Variants in SNTG1 observed in about 807,000 individuals in gnomAD.
The protein encoded by SNTG1 is syntrophin gamma 1.
A neutral mutation model predicts 74.7 loss-of-function variants in SNTG1; 39 were observed. The ratio of observed to expected loss-of-function variants is 0.52; its 90% CI spans 0.40 to 0.68. The LOEUF is 0.68. Ranked by LOEUF, SNTG1 falls within the 30% of genes least tolerant of loss-of-function variation. SNTG1 has a pLI of 0.00. For synonymous variants in SNTG1, 254 were observed against 217.1 expected (o/e 1.17, Z -1.49); for missense variants, 685 against 609.5 (o/e 1.12, Z -1.30).
At chr8:50,094,650 T>A (rs1369901786) in intron 1 of SNTG1, among the ~76,000 whole-genome samples, 1 of 151,914 alleles carries the variant, frequency 6.6e-6, no homozygotes, top group Non-Finnish European at 1.5e-5. Context: ...TCACACCAAA[T>A]CAGAATGGCT....
chr8:50,567,436 A>G (rs1444221526), intron 12 of SNTG1, among the ~76,000 whole-genome samples: 1 of 152,066 alleles, frequency 6.6e-6, no homozygotes, highest in Non-Finnish European at 1.5e-5. Context: ...TGTGTTGTTT[A>G]TTTAGATATA....
At chr8:50,383,669 C>T (rs941840711) in intron 2 of SNTG1, among the ~76,000 whole-genome samples, 1 of 152,152 alleles carries the variant, frequency 6.6e-6, no homozygotes, top group Non-Finnish European at 1.5e-5. Flanking sequence ...CCCAAATCTT[C>T]ATTCCTGAAG....
intron 8 of SNTG1, among the ~76,000 whole-genome samples, chr8:50,499,547 A>C (rs1431822938): frequency 1.3e-5 from 2 of 151,312 alleles, no homozygotes; most frequent in Non-Finnish European, 3.0e-5. Context: ...TGTCCTGCCT[A>C]GTACCTTTAT....
chr8:50,696,325 T>C (rs2095405100), intron 15 of SNTG1, among the ~76,000 whole-genome samples: 1 of 152,112 alleles, frequency 6.6e-6, no homozygotes, highest in African/African-American at 2.4e-5. Flanking sequence ...ATTTGTTTTC[T>C]TCTTGTTGAG....
At chr8:50,344,199 C>G (rs960562672) in intron 2 of SNTG1, among the ~76,000 whole-genome samples, 1 of 152,036 alleles carries the variant, frequency 6.6e-6, no homozygotes, top group Non-Finnish European at 1.5e-5. Flanking sequence ...TTTATATATA[C>G]CTTATATATA....
In SNTG1 at chr8:50,402,305, G is replaced by A. The variant is rs1321974792; in HGVS notation, c.123G>A (p.Gln41=). 1 of 1,613,238 alleles carries A rather than the reference G, an allele frequency of 6.2e-7. No homozygotes were observed. Residue 41 remains glutamine, a synonymous_variant, in exon 4 of 19, where the codon CAG becomes CAA. Coordinates refer to ENST00000642720, the MANE Select transcript of SNTG1 (RefSeq NM_018967.5). ...AAGACATTTTGATGATCCAGGAACA[G>A]GATGTGATATGTGTGTCTGGTGAGC... ...LAKDILMIQE[Q]DVICVSGEPF...
rs530469272 is a variant in SNTG1 at position 50,283,854 on chromosome 8, G to A, written c.-27-110358G>A. On this transcript the variant is annotated intron_variant, in intron 2 of 18. Coordinates refer to ENST00000642720, the MANE Select transcript of SNTG1 (RefSeq NM_018967.5). ...TATTTTATAAGATTTTCAGATTTGT[G>A]GAAAAACTTAAAATATATTATGGAG... Among the ~76,000 whole-genome samples, 31 of 152,022 alleles carry A rather than the reference G, an allele frequency of 2.0e-4. 1 individual carries two copies. In the South Asian group the frequency reaches 5.4e-3, roughly 27 times the overall value.
chr8:50,391,276 G>A (rs79087484), intron 2 of SNTG1, among the ~76,000 whole-genome samples: 4 of 152,108 alleles, frequency 2.6e-5, no homozygotes, highest in African/African-American at 7.2e-5. Context: ...AGTCTTTAGC[G>A]TGAAGGACTG....
chr8:50,418,589 C>T (rs1227098053), intron 4 of SNTG1, among the ~76,000 whole-genome samples: 1 of 152,128 alleles, frequency 6.6e-6, no homozygotes, highest in Non-Finnish European at 1.5e-5. Flanking sequence ...CTGTTCCCTG[C>T]ACTCCAGATT....
intron 4 of SNTG1, among the ~76,000 whole-genome samples, chr8:50,419,200 G>C (rs2093050913): frequency 6.6e-6 from 1 of 150,386 alleles, no homozygotes; most frequent in Non-Finnish European, 1.5e-5. Context: ...TTTCTTTCTA[G>C]AAAAAAAAAT....
intron 3 of SNTG1, 31 bp downstream of exon 3, chr8:50,394,296 G>T (rs374507999): frequency 6.2e-7 from 1 of 1,606,284 alleles, no homozygotes; most frequent in Non-Finnish European, 8.5e-7. Context: ...TTTTCAAACA[G>T]GGAAAACAGA....
intron 1 of SNTG1, among the ~76,000 whole-genome samples, chr8:50,019,625 C>G (rs1816641635): frequency 6.6e-6 from 1 of 151,966 alleles, no homozygotes; most frequent in Non-Finnish European, 1.5e-5. Context: ...CTTTAAGAAC[C>G]TCTTAATTCA....
chr8:50,040,947 A>G (rs947194376), intron 1 of SNTG1, among the ~76,000 whole-genome samples: 2 of 151,820 alleles, frequency 1.3e-5, no homozygotes, highest in African/African-American at 4.8e-5. Flanking sequence ...CCCAGGCTGG[A>G]GTGTAATGGC....
chr8:50,500,038 T>C (rs994569169), intron 8 of SNTG1, among the ~76,000 whole-genome samples: 4 of 151,394 alleles, frequency 2.6e-5, no homozygotes, highest in African/African-American at 7.3e-5. Context: ...TAGCGTAGAT[T>C]TATTTGGCAG....
intron 1 of SNTG1, among the ~76,000 whole-genome samples, chr8:49,981,773 AT>A (rs1282817121): frequency 3.3e-5 from 5 of 152,320 alleles, no homozygotes; most frequent in Non-Finnish European, 7.4e-5. Flanking sequence ...GGCATATAAA[AT>A]ATTTTGCTTT....
chr8:50,674,610 A>G (rs985208472), intron 15 of SNTG1, among the ~76,000 whole-genome samples: 2 of 151,640 alleles, frequency 1.3e-5, no homozygotes, highest in Non-Finnish European at 2.9e-5. Context: ...GTTTTTTCAA[A>G]AAACCAGCAC....
chr8:50,589,017 C>A (rs995261652), intron 12 of SNTG1, among the ~76,000 whole-genome samples: 1 of 152,040 alleles, frequency 6.6e-6, no homozygotes, highest in Non-Finnish European at 1.5e-5. Flanking sequence ...TATACTACCT[C>A]TTTTCTGTAT....
chr8:50,515,315 C>T (rs1210298379), intron 9 of SNTG1, among the ~76,000 whole-genome samples: 2 of 149,902 alleles, frequency 1.3e-5, no homozygotes, highest in Non-Finnish European at 3.0e-5. Context: ...TGTAAAAATA[C>T]ACATACCTTA....
chr8:50,573,074 T>C lies in SNTG1; in HGVS notation c.811-17805T>C, dbSNP rs190602271. Among the ~76,000 whole-genome samples the C allele has an allele frequency of 3.9e-5, 6 of 152,234 alleles. No individual in the cohort carries two copies. In the South Asian group the frequency reaches 8.3e-4, roughly 21 times the overall value. The stretch of plus-strand genomic sequence containing the variant: ...GTATCGTTAAGATACAATTTAAACA[T>C]ATAAGATCTTTGATTAAACTGGCAA... On this transcript the variant is annotated intron_variant, in intron 12 of 18. Coordinates refer to ENST00000642720, the MANE Select transcript of SNTG1 (RefSeq NM_018967.5).
Sources: gnomAD v4.1 joint callset for allele counts (sites outside exome capture counted in the v4.1 genomes callset) on GRCh38, gnomAD v4.1.1 for gene constraint, MANE v1.5 for transcripts, NCBI Gene and HGNC (gene_info 2026-07-23, HGNC 2026-07-21) for gene names.